The following NOL4 variants were observed in gnomAD, a reference collection of about 807,000 sequenced individuals.
The protein encoded by NOL4 is cancer/testis antigen 125.
NOL4 carries 17 observed loss-of-function variants against 75.9 expected under a neutral mutation model. That is an observed-to-expected ratio of 0.22 (90% CI 0.15 to 0.34). NOL4 has a LOEUF of 0.34. Among genes scored for constraint, NOL4 ranks in the 10% least tolerant of loss-of-function variants. NOL4 has a pLI of 1.00. For synonymous variants in NOL4, 292 were observed against 289.9 expected, an observed-to-expected ratio of 1.01 and a Z score of -0.07; for missense variants, 614 against 793.5, an observed-to-expected ratio of 0.77 and a Z score of 2.72.
intron 6 of NOL4, among the ~76,000 whole-genome samples, chr18:33,980,392 A>G (rs1249304488): frequency 6.6e-6 from 1 of 152,112 alleles, no homozygotes; most frequent in East Asian, 1.9e-4. Context: ...TGAATATCAG[A>G]TAAAAATACC....
At chr18:33,924,339 G>A (rs1039628308) in intron 9 of NOL4, among the ~76,000 whole-genome samples, 5 of 152,190 alleles carry the variant, frequency 3.3e-5, no homozygotes, top group Non-Finnish European at 5.9e-5. Flanking sequence ...CCTTGGTTCT[G>A]ACCATATTGT....
chr18:34,218,099 C>CA (rs79445733), intron 1 of NOL4, among the ~76,000 whole-genome samples: 5,909 of 127,918 alleles, frequency 0.046, 256 homozygotes, highest in African/African-American at 0.12. Flanking sequence ...CCAGTTAGAC[C>CA]AAAAAAAAAA....
chr18:34,102,511 C>T (rs2079084617), intron 4 of NOL4, among the ~76,000 whole-genome samples: 1 of 151,974 alleles, frequency 6.6e-6, no homozygotes. Flanking sequence ...GGAAGCGTGA[C>T]ATCCAATTTA....
intron 5 of NOL4, among the ~76,000 whole-genome samples, chr18:34,080,594 G>C (rs1015279742): frequency 6.6e-6 from 1 of 152,122 alleles, no homozygotes; most frequent in African/African-American, 2.4e-5. Context: ...TACTGTGAAG[G>C]CTGGGCCACT....
At chr18:34,130,355 T>G (rs2080581754) in intron 1 of NOL4, among the ~76,000 whole-genome samples, 1 of 152,042 alleles carries the variant, frequency 6.6e-6, no homozygotes, top group Non-Finnish European at 1.5e-5. Context: ...CCCAGTAATT[T>G]TTTATTGTAA....
chr18:34,208,576 C>T (rs1276337130), intron 1 of NOL4, among the ~76,000 whole-genome samples: 18 of 152,118 alleles, frequency 1.2e-4, no homozygotes, highest in African/African-American at 2.4e-4. Context: ...ATTGGCTGAG[C>T]GTAGTGGCTC....
At chr18:34,083,115 C>T (rs1212969188) in intron 5 of NOL4, among the ~76,000 whole-genome samples, 2 of 152,114 alleles carry the variant, frequency 1.3e-5, no homozygotes, top group Admixed American at 6.6e-5. Flanking sequence ...TATATATACA[C>T]ATACCCATAC....
intron 1 of NOL4, among the ~76,000 whole-genome samples, chr18:34,205,367 C>T (rs2036050200): frequency 6.6e-6 from 1 of 152,038 alleles, no homozygotes; most frequent in Non-Finnish European, 1.5e-5. Context: ...TACGCCTCCC[C>T]AGTGTGTAAG....
chr18:33,968,936 T>C (rs2145851513), intron 6 of NOL4, among the ~76,000 whole-genome samples: 1 of 152,352 alleles, frequency 6.6e-6, no homozygotes, highest in South Asian at 2.1e-4. Flanking sequence ...TAATTCAGTC[T>C]TTATTCTGTC....
chr18:33,901,465 G>T (rs2065744679), intron 9 of NOL4, among the ~76,000 whole-genome samples: 2 of 152,022 alleles, frequency 1.3e-5, no homozygotes, highest in Non-Finnish European at 2.9e-5. Context: ...ATAAGTGAAA[G>T]AATTGAGTAC....
intron 1 of NOL4, among the ~76,000 whole-genome samples, chr18:34,132,951 T>G (rs187841978): frequency 6.6e-6 from 1 of 152,200 alleles, no homozygotes; most frequent in African/African-American, 2.4e-5. Context: ...AGGAATCTTA[T>G]AGCCAGAGAA....
intron 9 of NOL4, among the ~76,000 whole-genome samples, chr18:33,933,618 C>T (rs920434485): frequency 6.6e-6 from 1 of 152,130 alleles, no homozygotes; most frequent in African/African-American, 2.4e-5. Flanking sequence ...TGGATTCTAT[C>T]TCAAGAAACC....
intron 6 of NOL4, among the ~76,000 whole-genome samples, chr18:34,012,368 A>G (rs993030323): frequency 1.3e-5 from 2 of 152,052 alleles, no homozygotes; most frequent in South Asian, 4.1e-4. Flanking sequence ...TAAAGCTATT[A>G]ACTTTATTAT....
chr18:34,114,208 G>C (rs1373493218), intron 2 of NOL4, among the ~76,000 whole-genome samples: 1 of 152,116 alleles, frequency 6.6e-6, no homozygotes, highest in Non-Finnish European at 1.5e-5. Flanking sequence ...TGAATATACA[G>C]TACAGAACAT....
At chr18:33,880,414 C>G (rs1034230474) in intron 10 of NOL4, among the ~76,000 whole-genome samples, 1 of 151,254 alleles carries the variant, frequency 6.6e-6, no homozygotes, top group African/African-American at 2.4e-5. Flanking sequence ...AGAACACTAT[C>G]CATGTATTTT....
At chr18:33,993,589 C>T (rs1298646488) in intron 6 of NOL4, among the ~76,000 whole-genome samples, 2 of 151,696 alleles carry the variant, frequency 1.3e-5, no homozygotes, top group Non-Finnish European at 1.5e-5. Context: ...GAAAGTATGG[C>T]CCGTATACTG....
intron 8 of NOL4, among the ~76,000 whole-genome samples, chr18:33,945,917 T>G (rs567993238): frequency 6.6e-6 from 1 of 151,750 alleles, no homozygotes; most frequent in Non-Finnish European, 1.5e-5. Context: ...AAAGGACAAA[T>G]TGAACTAGAT....
At chr18:34,131,047 TACAC>T (rs1299569558) in intron 1 of NOL4, among the ~76,000 whole-genome samples, 1 of 140,260 alleles carries the variant, frequency 7.1e-6, no homozygotes, top group African/African-American at 2.7e-5. Flanking sequence ...AACACACACA[TACAC>T]ATACACACAC....
At chr18:33,982,674 C>T (rs1332883520) in intron 6 of NOL4, among the ~76,000 whole-genome samples, 1 of 148,814 alleles carries the variant, frequency 6.7e-6, no homozygotes, top group Non-Finnish European at 1.5e-5. Flanking sequence ...AGTAAGGACA[C>T]AATTTAACCC....
Sources: allele counts gnomAD v4.1 joint callset (sites outside exome capture counted in the v4.1 genomes callset), GRCh38; gene constraint gnomAD v4.1.1; transcripts MANE v1.5; gene names NCBI Gene and HGNC (gene_info 2026-07-23, HGNC 2026-07-21).